RORB: variants seen among roughly 807,000 people sequenced by gnomAD.
RORB encodes the protein nuclear receptor ROR-beta.
A neutral mutation model predicts 59.1 loss-of-function variants in RORB; 6 were observed. That is an observed-to-expected ratio of 0.10 (90% CI 0.06 to 0.20). RORB has a LOEUF of 0.20. Among genes scored for constraint, RORB ranks in the 10% least tolerant of loss-of-function variants. The pLI, the probability that RORB is intolerant of heterozygous loss-of-function variation, is 1.00. For synonymous variants in RORB, 215 were observed against 204.5 expected (o/e 1.05, Z -0.44); for missense variants, 320 against 560.5 (o/e 0.57, Z 4.33).
intron 1 of RORB, among the ~76,000 whole-genome samples, chr9:74,537,689 A>G (rs1373823615): frequency 6.6e-6 from 1 of 152,082 alleles, no homozygotes; most frequent in East Asian, 1.9e-4. Flanking sequence ...GTACAGACAT[A>G]GAAATAATAA....
At chr9:74,658,610 C>T (rs753568890) in intron 4 of RORB, among the ~76,000 whole-genome samples, 4 of 152,166 alleles carry the variant, frequency 2.6e-5, no homozygotes, top group Non-Finnish European at 5.9e-5. Context: ...AAAATGAAAA[C>T]AAACTACACC....
intron 4 of RORB, among the ~76,000 whole-genome samples, chr9:74,658,296 G>A (rs994835530): frequency 6.6e-6 from 1 of 152,164 alleles, no homozygotes; most frequent in Non-Finnish European, 1.5e-5. Flanking sequence ...TGAGGACATG[G>A]TTGGCAGGGA....
chr9:74,665,171 T>C (rs925611533), intron 6 of RORB, among the ~76,000 whole-genome samples: 4 of 152,330 alleles, frequency 2.6e-5, no homozygotes, highest in African/African-American at 9.6e-5. Flanking sequence ...CTGTAAAATA[T>C]ATTTTCTCCT....
chr9:74,666,020 C>T (rs903381891), intron 7 of RORB, among the ~76,000 whole-genome samples: 1 of 152,204 alleles, frequency 6.6e-6, no homozygotes, highest in Non-Finnish European at 1.5e-5. Flanking sequence ...GGTGTGGTGG[C>T]TCATGCCTGT....
chr9:74,540,143 CT>C (rs536853116), intron 1 of RORB, among the ~76,000 whole-genome samples: 135 of 152,066 alleles, frequency 8.9e-4, no homozygotes, highest in African/African-American at 2.9e-3. Flanking sequence ...AAGCTGTATA[CT>C]TTTTTAAAAA....
At chr9:74,574,648 G>A (rs916439665) in intron 1 of RORB, among the ~76,000 whole-genome samples, 1 of 152,098 alleles carries the variant, frequency 6.6e-6, no homozygotes, top group African/African-American at 2.4e-5. Context: ...ATTGGGCACA[G>A]ACTCCAACCT....
At chr9:74,612,814 C>G (rs1209907504) in intron 1 of RORB, among the ~76,000 whole-genome samples, 2 of 152,116 alleles carry the variant, frequency 1.3e-5, no homozygotes, top group African/African-American at 4.8e-5. Flanking sequence ...TATAACACAT[C>G]AGATATTTGG....
rs756177663 is a variant in RORB at position 74,605,888 on chromosome 9, T to C, written c.8-24394T>C. Among the ~76,000 whole-genome samples the C allele has an allele frequency of 2.6e-5, 4 of 152,144 alleles. No individual in the cohort carries two copies. The South Asian group carries it at 8.3e-4, about 32-fold the overall frequency. ...CGTTTTCAGACACAGATTGCTATCATGTTCATTCCTAGGGTTCCTGGACCA... is the reference window on the plus strand; with the variant it reads ...CGTTTTCAGACACAGATTGCTATCACGTTCATTCCTAGGGTTCCTGGACCA... On this transcript the variant is annotated intron_variant, in intron 1 of 9. Coordinates refer to ENST00000376896, the MANE Select transcript of RORB (RefSeq NM_006914.4).
chr9:74,654,381 C>A (rs1408009768), intron 4 of RORB, among the ~76,000 whole-genome samples: 2 of 148,344 alleles, frequency 1.3e-5, no homozygotes, highest in African/African-American at 2.5e-5. Flanking sequence ...AGTAAGGAGA[C>A]TCAGCTAATT....
chr9:74,629,684 T>A (rs1823583601), intron 1 of RORB, among the ~76,000 whole-genome samples: 1 of 152,170 alleles, frequency 6.6e-6, no homozygotes, highest in South Asian at 2.1e-4. Flanking sequence ...ATTAGATTAT[T>A]AGCATCATTA....
chr9:74,497,795 A>AGCG lies in RORB; in HGVS notation c.-170_-168dup, dbSNP rs1191795621. 1.1e-5 allele frequency: 7 copies of AGCG among 620,202 alleles called. No homozygotes were observed. The highest frequency in any genetic ancestry group is 2.7e-5 in the Admixed American group (1 of 36,856). 38.4% of individuals were successfully genotyped at this position (620,202 alleles called of 1,614,324 possible). ...CCACCAACATCAAAACTGTTAACAT[A>AGCG]GCGGCGGCGGCGGCAAACGTCACCC... On this transcript the variant is annotated 5_prime_UTR_variant, in exon 1 of 10. Transcript: ENST00000376896.
chr9:74,601,333 T>TTTTAA (rs1347593016), intron 1 of RORB, among the ~76,000 whole-genome samples: 2 of 149,980 alleles, frequency 1.3e-5, no homozygotes, highest in African/African-American at 2.4e-5. Context: ...TTATTTTAAA[T>TTTTAA]TTTAATTTAA....
intron 1 of RORB, among the ~76,000 whole-genome samples, chr9:74,580,865 C>A (rs1380896611): frequency 6.6e-6 from 1 of 152,058 alleles, no homozygotes; most frequent in African/African-American, 2.4e-5. Flanking sequence ...AGTAGTAAGA[C>A]AAAAATTTCT....
Position 74,497,523 on chromosome 9 carries a change from G to C in RORB, c.-454G>C, listed in dbSNP as rs1273845098. The C allele has an allele frequency of 5.3e-6, 1 of 187,046 alleles. No homozygotes were observed. Among genetic ancestry groups the C allele is most frequent in the Non-Finnish European group, 1.1e-5 (1 of 91,510 alleles). The allele number at this position is 187,046 out of a possible 1,614,324, so 11.6% of individuals were successfully genotyped here. On this transcript the variant is annotated 5_prime_UTR_variant, in exon 1 of 10. Coordinates refer to ENST00000376896, the MANE Select transcript of RORB (RefSeq NM_006914.4). The stretch of plus-strand genomic sequence containing the variant: ...CCCTTGTTCCTTCTCCCTCTTCTTT[G>C]TAACTAACAAAACCACCACCAACTC...
At chr9:74,630,228 T>G (rs1054169149) in intron 1 of RORB, 54 bp from the exon 2 acceptor site, 4 of 1,598,808 alleles carry the variant, frequency 2.5e-6, no homozygotes, top group Non-Finnish European at 3.4e-6. Flanking sequence ...ATAGGAAGAG[T>G]GAAAGGAGAA....
intron 1 of RORB, among the ~76,000 whole-genome samples, chr9:74,615,944 A>C (rs943147278): frequency 6.6e-6 from 1 of 152,190 alleles, no homozygotes; most frequent in African/African-American, 2.4e-5. Flanking sequence ...TAATCATATG[A>C]ACATCCTTCT....
At chr9:74,513,223 T>A (rs1691905704) in intron 1 of RORB, among the ~76,000 whole-genome samples, 1 of 152,066 alleles carries the variant, frequency 6.6e-6, no homozygotes, top group African/African-American at 2.4e-5. Flanking sequence ...AAAACAAAAA[T>A]ATAAATAGAA....
At chr9:74,507,013 A>C (rs1416394254) in intron 1 of RORB, among the ~76,000 whole-genome samples, 1 of 152,052 alleles carries the variant, frequency 6.6e-6, no homozygotes, top group Non-Finnish European at 1.5e-5. Context: ...TGTAACTTTT[A>C]CTAGCCTGAT....
At chr9:74,639,931 A>G (rs756430017) in intron 3 of RORB, among the ~76,000 whole-genome samples, 9 of 152,238 alleles carry the variant, frequency 5.9e-5, no homozygotes, top group Non-Finnish European at 1.0e-4. Flanking sequence ...CTTGCCCTAC[A>G]AGTTACTGTA....
Sources: allele counts gnomAD v4.1 joint callset (sites outside exome capture counted in the v4.1 genomes callset), GRCh38; gene constraint gnomAD v4.1.1; transcripts MANE v1.5; gene names NCBI Gene and HGNC (gene_info 2026-07-23, HGNC 2026-07-21).